Variants in KIF2A observed in about 807,000 individuals in gnomAD.
The protein encoded by KIF2A is kinesin-like protein KIF2A.
A neutral mutation model predicts 100.2 loss-of-function variants in KIF2A; 22 were observed. The ratio of observed to expected loss-of-function variants is 0.22; its 90% confidence interval spans 0.16 to 0.31. KIF2A has a LOEUF of 0.31. KIF2A is among the 10% of genes least tolerant of loss of function. KIF2A has a pLI of 1.00. For synonymous variants in KIF2A, 268 were observed against 285.9 expected, an observed-to-expected ratio of 0.94 and a Z score of 0.63; for missense variants, 495 against 898.7, an observed-to-expected ratio of 0.55 and a Z score of 5.74.
At position 62,306,357 on chromosome 5, in the gene KIF2A, G is replaced by C. The variant is rs1745265739; in HGVS notation, c.-116G>C. The C allele has an allele frequency of 1.2e-6, 1 of 818,532 alleles. No homozygotes were observed. The highest frequency in any genetic ancestry group is 2.0e-6 in the Non-Finnish European group (1 of 507,746). 50.7% of individuals were successfully genotyped at this position (818,532 alleles called of 1,614,324 possible). ...CCGCTTGCGTTCACGCTGTCGCCCG[G>C]GCCGGCGCGGCCGCGGGCAACCGCT... On this transcript the variant is annotated 5_prime_UTR_variant, in exon 1 of 21. Coordinates refer to ENST00000407818, the MANE Select transcript of KIF2A (RefSeq NM_001098511.3).
chr5:62,365,794 A>G (rs1741038979), intron 15 of KIF2A, among the ~76,000 whole-genome samples: 1 of 152,188 alleles, frequency 6.6e-6, no homozygotes, highest in South Asian at 2.1e-4. Context: ...CCCCTGGGCA[A>G]CAACTGGAAT....
intron 12 of KIF2A, 43 bp downstream of exon 12, chr5:62,362,584 T>C: frequency 1.2e-6 from 1 of 864,896 alleles, no homozygotes; most frequent in South Asian, 2.4e-5. Context: ...AAAATATATA[T>C]ATAACATAAC....
intron 1 of KIF2A, among the ~76,000 whole-genome samples, chr5:62,341,514 C>A (rs903233247): frequency 6.6e-6 from 1 of 151,996 alleles, no homozygotes; most frequent in Non-Finnish European, 1.5e-5. Flanking sequence ...TGTTGCCAAC[C>A]TAGTCTCAAA....
At chr5:62,385,451 A>G (rs1005502890) in intron 20 of KIF2A, 33 bp from the exon 21 acceptor site, 1 of 1,465,154 alleles carries the variant, frequency 6.8e-7, no homozygotes, top group East Asian at 2.5e-5. Context: ...GTGTAATACA[A>G]TACTTATTCC....
intron 1 of KIF2A, chr5:62,311,992 C>G (rs774525242): frequency 6.6e-6 from 1 of 152,164 alleles, no homozygotes; most frequent in East Asian, 1.9e-4. Flanking sequence ...GGCCAAAGCC[C>G]GAATCCCTTC....
chr5:62,353,326 G>A lies in KIF2A; in HGVS notation c.509G>A (p.Arg170Gln). Residue 170 changes from arginine to glutamine, a missense_variant, in exon 6 of 21, where the codon CGA (arginine) becomes CAA (glutamine). Physicochemically the swap from Arg to Gln is conservative, Grantham distance 43. Transcript: ENST00000407818. ...VKEVEKLQEKREKRRLQQQEL... is the reference protein window; with the variant it reads ...VKEVEKLQEKQEKRRLQQQEL... The stretch of plus-strand genomic sequence containing the variant: ...GAAGTAGAAAAACTGCAAGAAAAAC[G>A]AGAGAAAAGGAGATTGCAACAGCAA... The A allele has an allele frequency of 6.3e-7, 1 of 1,580,758 alleles. No homozygotes were observed. Among genetic ancestry groups the A allele is most frequent in the East Asian group, 2.3e-5 (1 of 43,944 alleles).
intron 1 of KIF2A, among the ~76,000 whole-genome samples, chr5:62,338,295 T>G (rs1404037302): frequency 6.6e-6 from 1 of 152,146 alleles, no homozygotes; most frequent in Non-Finnish European, 1.5e-5. Context: ...TTTTGTAAAA[T>G]TTTATTTATT....
At chr5:62,364,260 G>A (rs1740953716) in intron 14 of KIF2A, among the ~76,000 whole-genome samples, 1 of 151,714 alleles carries the variant, frequency 6.6e-6, no homozygotes, top group African/African-American at 2.4e-5. Context: ...CCATTCTCCT[G>A]CCTCAGCCTC....
chr5:62,362,684 A>G, intron 12 of KIF2A, 143 bp downstream of exon 12: 4 of 374,904 alleles, frequency 1.1e-5, no homozygotes, highest in East Asian at 4.4e-5. Flanking sequence ...ATGTGTATTT[A>G]GAACTTTTAT....
intron 1 of KIF2A, among the ~76,000 whole-genome samples, chr5:62,317,857 C>G (rs1331403210): frequency 6.6e-6 from 1 of 152,168 alleles, no homozygotes; most frequent in African/African-American, 2.4e-5. Flanking sequence ...CTCTGTGGCT[C>G]TGTAATTTGA....
At chr5:62,337,842 A>G (rs1747052904) in intron 1 of KIF2A, among the ~76,000 whole-genome samples, 1 of 152,064 alleles carries the variant, frequency 6.6e-6, no homozygotes, top group African/African-American at 2.4e-5. Flanking sequence ...GCTTTGAGAA[A>G]GGAAAATTGC....
rs1747947185 is a variant in KIF2A at position 62,353,295 on chromosome 5, G to T, written c.478G>T (p.Val160Leu). 1 of 1,574,184 alleles carries T rather than the reference G, an allele frequency of 6.4e-7. No homozygotes were observed. Among genetic ancestry groups the T allele is most frequent in the Non-Finnish European group, 8.6e-7 (1 of 1,163,460 alleles). The part of the protein sequence containing the change: ...GPPSRRKSNC[V>L]KEVEKLQEKR... The stretch of plus-strand genomic sequence containing the variant: ...TTCAGCACGTAGAAAATCTAATTGT[G>T]TGAAAGAAGTAGAAAAACTGCAAGA... The change falls in exon 6 of 21, where the codon GTG (valine) becomes TTG (leucine). Residue 160 changes from valine (V) to leucine (L), a missense_variant. Val to Leu is a conservative substitution (Grantham distance 32). This residue lies in a region of KIF2A where 109 missense variants were observed against 244.2 expected (regional missense o/e 0.45). Transcript: ENST00000407818.
intron 1 of KIF2A, among the ~76,000 whole-genome samples, chr5:62,335,299 C>G (rs1378808743): frequency 6.6e-6 from 1 of 152,178 alleles, no homozygotes; most frequent in Non-Finnish European, 1.5e-5. Context: ...GCTATACATG[C>G]TGAGAGACCC....
At chr5:62,330,796 G>C (rs911569145) in intron 1 of KIF2A, among the ~76,000 whole-genome samples, 2 of 152,108 alleles carry the variant, frequency 1.3e-5, no homozygotes, top group East Asian at 3.9e-4. Context: ...ATCAAGAATA[G>C]ACACACTATA....
chr5:62,320,446 A>G (rs1746041141), intron 1 of KIF2A, among the ~76,000 whole-genome samples: 1 of 152,196 alleles, frequency 6.6e-6, no homozygotes, highest in South Asian at 2.1e-4. Flanking sequence ...TTCCATAGAT[A>G]TGAATTTACC....
rs1742233521 is a variant in KIF2A, at chr5:62,390,072, T to C, written c.*4503T>C. Among the ~76,000 whole-genome samples the C allele has an allele frequency of 6.6e-6, 1 of 152,218 alleles. No individual in the cohort carries two copies. On this transcript the variant is annotated 3_prime_UTR_variant, in exon 21 of 21. Transcript: ENST00000407818. ...TTTGTCTTAGTTATATAGAACTGTG[T>C]TTCCAGCTTAGAAAAAGTCAAACCA...
intron 17 of KIF2A, among the ~76,000 whole-genome samples, 199 bp from the exon 18 acceptor site, chr5:62,373,488 A>G (rs1189756088): frequency 6.6e-6 from 1 of 152,160 alleles, no homozygotes; most frequent in African/African-American, 2.4e-5. Flanking sequence ...TATGAATTAT[A>G]TAAAGTTACC....
At chr5:62,340,123 G>T (rs189745756) in intron 1 of KIF2A, among the ~76,000 whole-genome samples, 3 of 151,958 alleles carry the variant, frequency 2.0e-5, no homozygotes, top group African/African-American at 7.3e-5. Context: ...TTTTAGTAGA[G>T]AGGGGGTTTC....
intron 10 of KIF2A, 50 bp from the exon 11 acceptor site, chr5:62,361,416 A>AT: frequency 7.0e-7 from 1 of 1,432,436 alleles, no homozygotes; most frequent in Non-Finnish European, 9.8e-7. Flanking sequence ...TAAATTCTTA[A>AT]GAGTTATTCC....
Sources: gnomAD v4.1 joint callset for allele counts (sites outside exome capture counted in the v4.1 genomes callset) on GRCh38, gnomAD v4.1.1 for gene constraint, gnomAD v4.1.1 regional missense constraint, MANE v1.5 for transcripts, NCBI Gene and HGNC (gene_info 2026-07-23, HGNC 2026-07-21) for gene names.